Variants in PPM1B observed in about 807,000 individuals in gnomAD.
The protein encoded by PPM1B is protein phosphatase, Mg2+/Mn2+ dependent 1B.
PPM1B carries 22 observed loss-of-function variants against 43.0 expected under a neutral mutation model. That is an observed-to-expected ratio of 0.51 (90% confidence interval 0.37 to 0.73). PPM1B has a LOEUF of 0.73. Among genes scored for constraint, PPM1B ranks in the 30% least tolerant of loss-of-function variants. The probability of loss-of-function intolerance (pLI) is 0.00; values close to 1 mark genes in which losing one functional copy is unlikely to be tolerated. For synonymous variants in PPM1B, 217 were observed against 197.9 expected, an observed-to-expected ratio of 1.10 and a Z score of -0.81; for missense variants, 632 against 584.2, an observed-to-expected ratio of 1.08 and a Z score of -0.84.
rs559830058 is a variant in PPM1B at position 44,209,090 on chromosome 2, T to C, written c.847-120T>C. On this transcript the variant is annotated intron_variant, in intron 2 of 5. Coordinates refer to ENST00000282412, the MANE Select transcript of PPM1B (RefSeq NM_002706.6). Reference sequence around the variant, plus strand: ...AGTAATTCATTGGAATAAAAATGAATGTGTTAAACATAAACGTTCTGGATG... The same window carrying C: ...AGTAATTCATTGGAATAAAAATGAACGTGTTAAACATAAACGTTCTGGATG... The C allele has an allele frequency of 5.7e-4, 486 of 858,286 alleles. 3 individuals carry two copies. In the African/African-American group the frequency reaches 7.8e-3, roughly 14 times the overall value. The allele number at this position is 858,286 out of a possible 1,614,324, so 53.2% of individuals were successfully genotyped here.
intron 1 of PPM1B, among the ~76,000 whole-genome samples, chr2:44,177,073 C>G (rs1045837718): frequency 2.0e-5 from 3 of 152,212 alleles, no homozygotes; most frequent in East Asian, 1.9e-4. Context: ...AGCCACCGTG[C>G]CCGGCCTAGT....
chr2:44,245,884 C>G (rs1670845032), downstream of PPM1B, among the ~76,000 whole-genome samples: 1 of 152,238 alleles, frequency 6.6e-6, no homozygotes, highest in Admixed American at 6.5e-5. Flanking sequence ...CACGCTGACT[C>G]CATTCCTTTG....
At chr2:44,182,181 A>T (rs937546086) in intron 1 of PPM1B, among the ~76,000 whole-genome samples, 2 of 152,176 alleles carry the variant, frequency 1.3e-5, no homozygotes, top group Non-Finnish European at 2.9e-5. Context: ...GCTGTATGTT[A>T]TATCGTGAGA....
At chr2:44,217,851 T>C in intron 3 of PPM1B, 116 bp from the exon 4 acceptor site, 2 of 527,318 alleles carry the variant, frequency 3.8e-6, no homozygotes. Flanking sequence ...GTGTTGATGG[T>C]AATTTTTTTT....
At position 44,187,318 on chromosome 2, in the gene PPM1B, A is replaced by G. The variant is rs559675048; in HGVS notation, c.-14-13868A>G. Among the ~76,000 whole-genome samples, 8 of 152,148 alleles carry G rather than the reference A, an allele frequency of 5.3e-5. No individual in the cohort carries two copies. In the South Asian group the frequency reaches 1.7e-3, roughly 32 times the overall value. Reference sequence around the variant, plus strand: ...TGTTTATCCATTCGTTTGTCATTGGACATTTGGGTTGCTTCTACCTCTTGG... The same window carrying G: ...TGTTTATCCATTCGTTTGTCATTGGGCATTTGGGTTGCTTCTACCTCTTGG... On this transcript the variant is annotated intron_variant, in intron 1 of 5. Transcript: ENST00000282412.
intron 5 of PPM1B, among the ~76,000 whole-genome samples, chr2:44,226,932 T>TTTTATTTATTTA (rs566508514): frequency 0.022 from 2,973 of 135,002 alleles, 52 homozygotes; most frequent in Admixed American, 0.048. Flanking sequence ...ATGGGAAACT[T>TTTTATTTATTTA]TTTATTTATT....
At position 44,225,477 on chromosome 2, in the gene PPM1B, G is replaced by A. The variant is rs545712218; in HGVS notation, c.1135-4936G>A. 2.6e-5 allele frequency among the ~76,000 whole-genome samples: 4 copies of A among 152,256 alleles called. No individual in the cohort carries two copies. In the East Asian group the frequency reaches 7.7e-4, roughly 29 times the overall value. On this transcript the variant is annotated intron_variant, in intron 5 of 5. Coordinates refer to ENST00000282412, the MANE Select transcript of PPM1B (RefSeq NM_002706.6). Reference sequence around the variant, plus strand: ...ATCAAATATAATGGCTGCGGAAGAGGTTTCAGTCCTCTATTGTCTATCCAG... The same window carrying A: ...ATCAAATATAATGGCTGCGGAAGAGATTTCAGTCCTCTATTGTCTATCCAG...
chr2:44,171,320 A>G (rs1463363665), intron 1 of PPM1B, among the ~76,000 whole-genome samples: 1 of 152,252 alleles, frequency 6.6e-6, no homozygotes, highest in African/African-American at 2.4e-5. Flanking sequence ...ATCTGAAGGA[A>G]TAGTGTAGTG....
At chr2:44,234,326 C>G (rs957247032), downstream of PPM1B, 13 of 664,672 alleles carry the variant, frequency 2.0e-5, no homozygotes, top group African/African-American at 2.6e-4. Context: ...CGTGACCATC[C>G]TGGCCAACAC....
At chr2:44,178,063 G>A (rs931288394) in intron 1 of PPM1B, among the ~76,000 whole-genome samples, 3 of 151,430 alleles carry the variant, frequency 2.0e-5, no homozygotes, top group Admixed American at 1.3e-4. Flanking sequence ...AACTACAGGC[G>A]TGCACCAACA....
rs569244837 is a variant in PPM1B at position 44,221,601 on chromosome 2, A to G, written c.1134+3064A>G. ...AAAATTAAGTTTTTTTAAATAACAAAAATTATTTTTGTTTAGATATTTAAA... is the reference window on the plus strand; with the variant it reads ...AAAATTAAGTTTTTTTAAATAACAAGAATTATTTTTGTTTAGATATTTAAA... On this transcript the variant is annotated intron_variant, in intron 5 of 5. Transcript: ENST00000282412. Among the ~76,000 whole-genome samples, 20 of 152,314 alleles carry G rather than the reference A, an allele frequency of 1.3e-4. No homozygotes were observed. The Middle Eastern group carries it at 0.014, about 104-fold the overall frequency.
In PPM1B at chr2:44,240,593, C is replaced by T. The variant is rs1242967309; in HGVS notation, n.1547-3635C>T. 4.8e-5 allele frequency among the ~76,000 whole-genome samples: 7 copies of T among 145,416 alleles called. 1 individual carries two copies. Among genetic ancestry groups the T allele is most frequent in the Non-Finnish European group, 1.1e-4 (7 of 65,300 alleles). ...ATCTAAAATTTAAAAAAAAATTTAT[C>T]TTGATTACTTGCCATTCCTTAAATT... On this transcript the variant is annotated intron_variant and non_coding_transcript_variant, in intron 5 of 5. Transcript: ENST00000378540.
intron 2 of PPM1B, among the ~76,000 whole-genome samples, chr2:44,203,165 G>T (rs1213660220): frequency 6.6e-6 from 1 of 152,154 alleles, no homozygotes; most frequent in Non-Finnish European, 1.5e-5. Context: ...ATGGAAAGAG[G>T]CAGTTTTAAA....
chr2:44,237,856 T>C (rs1670659148), downstream of PPM1B, among the ~76,000 whole-genome samples: 1 of 151,886 alleles, frequency 6.6e-6, no homozygotes. Context: ...TATGAAGAGG[T>C]GGTTTTGCTT....
chr2:44,215,750 AT>A (rs1254682321), intron 3 of PPM1B, among the ~76,000 whole-genome samples: 1 of 152,234 alleles, frequency 6.6e-6, no homozygotes, highest in African/African-American at 2.4e-5. Flanking sequence ...GTCACTGAGG[AT>A]ATAGCAGAAA....
At chr2:44,217,258 G>A (rs191411098) in intron 3 of PPM1B, among the ~76,000 whole-genome samples, 2 of 151,998 alleles carry the variant, frequency 1.3e-5, no homozygotes, top group Admixed American at 1.3e-4. Flanking sequence ...AATTAGCCAG[G>A]CATGGTAGCA....
At chr2:44,223,634 C>T (rs958899870) in intron 5 of PPM1B, among the ~76,000 whole-genome samples, 1 of 151,088 alleles carries the variant, frequency 6.6e-6, no homozygotes, top group African/African-American at 2.4e-5. Flanking sequence ...ATGGTGAAAC[C>T]CCGTCTCTAC....
At chr2:44,174,213 C>T (rs183099118) in intron 1 of PPM1B, among the ~76,000 whole-genome samples, 513 of 152,228 alleles carry the variant, frequency 3.4e-3, no homozygotes, top group African/African-American at 0.012. Context: ...TGATTCATTT[C>T]TTGAAAATTA....
At position 44,231,015 on chromosome 2, in the gene PPM1B, G is replaced by C. The variant is rs1670449045; in HGVS notation, c.*297G>C. Reference sequence around the variant, plus strand: ...GTTAAATTAATACTAGATAGAATTAGAAATTTTGATTAGAGAGATTATGCT... The same window carrying C: ...GTTAAATTAATACTAGATAGAATTACAAATTTTGATTAGAGAGATTATGCT... On this transcript the variant is annotated 3_prime_UTR_variant, in exon 6 of 6. Transcript: ENST00000282412. 1 of 972,514 alleles carries C rather than the reference G, an allele frequency of 1.0e-6. No homozygotes were observed. Among genetic ancestry groups the C allele is most frequent in the Non-Finnish European group, 1.2e-6 (1 of 800,962 alleles). The allele number at this position is 972,514 out of a possible 1,614,324, so 60.2% of individuals were successfully genotyped here.
Sources: gnomAD v4.1 joint callset for allele counts (sites outside exome capture counted in the v4.1 genomes callset) on GRCh38, gnomAD v4.1.1 for gene constraint, MANE v1.5 for transcripts, NCBI Gene and HGNC (gene_info 2026-07-23, HGNC 2026-07-21) for gene names.